Variants in SUN3 observed in about 807,000 individuals in gnomAD.
SUN3 encodes the protein Sad1 and UNC84 domain containing 3.
In SUN3, 36 loss-of-function variants were observed where a neutral mutation model predicts 48.2. The ratio of observed to expected loss-of-function variants is 0.75; its 90% CI spans 0.57 to 0.99. SUN3 has a LOEUF of 0.99. Ranked by LOEUF, SUN3 falls within the 50% of genes least tolerant of loss-of-function variation. The pLI is 0.00. For missense variants in SUN3, 419 were observed against 433.1 expected, an observed-to-expected ratio of 0.97 and a Z score of 0.29; for synonymous variants, 148 against 147.9, an observed-to-expected ratio of 1.00 and a Z score of 0.00.
chr7:48,029,157 A>C (rs779088686), upstream of SUN3: 9 of 572,718 alleles, frequency 1.6e-5, no homozygotes, highest in Non-Finnish European at 2.6e-5. Context: ...GCAGATGGCC[A>C]CCACGCCCAG....
At chr7:48,019,229 G>A (rs1383308943) in intron 2 of SUN3, among the ~76,000 whole-genome samples, 1 of 152,052 alleles carries the variant, frequency 6.6e-6, no homozygotes, top group Non-Finnish European at 1.5e-5. Flanking sequence ...GTCTCAGAAA[G>A]AGGAGAGAGA....
At chr7:48,032,882 C>T (rs1790272532), upstream of SUN3, among the ~76,000 whole-genome samples, 1 of 152,194 alleles carries the variant, frequency 6.6e-6, no homozygotes, top group South Asian at 2.1e-4. Context: ...AAACTAGCTT[C>T]AGCCAACAAC....
At chr7:47,998,588 T>C (rs1434889235) in intron 6 of SUN3, among the ~76,000 whole-genome samples, 2 of 152,184 alleles carry the variant, frequency 1.3e-5, no homozygotes, top group Admixed American at 6.5e-5. Context: ...ATTTTCCTTT[T>C]ACAATCATAG....
At chr7:48,013,039 T>C (rs763377215) in intron 3 of SUN3, among the ~76,000 whole-genome samples, 4 of 152,234 alleles carry the variant, frequency 2.6e-5, no homozygotes, top group Non-Finnish European at 5.9e-5. Flanking sequence ...GTCTATGGCA[T>C]TTTGTTATAG....
chr7:48,002,532 T>C (rs1396016090), intron 6 of SUN3, among the ~76,000 whole-genome samples: 1 of 152,218 alleles, frequency 6.6e-6, no homozygotes, highest in African/African-American at 2.4e-5. Flanking sequence ...GTGGGTCTTC[T>C]TTTTAAGTGT....
chr7:47,992,175 C>T (rs1789084202), intron 8 of SUN3, among the ~76,000 whole-genome samples: 1 of 152,176 alleles, frequency 6.6e-6, no homozygotes, highest in South Asian at 2.1e-4. Flanking sequence ...CCCCACCGTG[C>T]GCGCAAAGCT....
intron 7 of SUN3, 47 bp from the exon 8 acceptor site, chr7:47,994,529 C>A (rs775402617): frequency 1.3e-6 from 2 of 1,540,094 alleles, no homozygotes; most frequent in South Asian, 1.3e-5. Context: ...TATGTGAATC[C>A]ATTCCCACAA....
intron 3 of SUN3, among the ~76,000 whole-genome samples, chr7:48,010,701 T>C (rs949049866): frequency 1.3e-5 from 2 of 152,202 alleles, no homozygotes; most frequent in African/African-American, 4.8e-5. Context: ...CACTTTCTTG[T>C]AGCAACAAAG....
intron 9 of SUN3, 108 bp downstream of exon 9, chr7:47,988,680 T>G (rs1275990140): frequency 1.6e-6 from 1 of 624,246 alleles, no homozygotes; most frequent in Non-Finnish European, 2.7e-6. Flanking sequence ...CTTGTGTAAC[T>G]CACGCTTTTG....
intron 8 of SUN3, 126 bp downstream of exon 8, chr7:47,994,189 A>G (rs1484631352): frequency 1.1e-5 from 9 of 820,972 alleles, no homozygotes; most frequent in Non-Finnish European, 1.5e-5. Context: ...GTAGGTGAGA[A>G]AGCAGAAGTC....
At chr7:47,992,263 A>G (rs1789087193) in intron 8 of SUN3, among the ~76,000 whole-genome samples, 2 of 152,232 alleles carry the variant, frequency 1.3e-5, no homozygotes, top group African/African-American at 4.8e-5. Flanking sequence ...TACAGGAAAC[A>G]GAGAGACGCT....
chr7:47,993,321 A>G (rs1465109412), intron 8 of SUN3, among the ~76,000 whole-genome samples: 1 of 152,216 alleles, frequency 6.6e-6, no homozygotes, highest in Non-Finnish European at 1.5e-5. Flanking sequence ...CCCAAGGAAA[A>G]CAAAAACTCA....
At chr7:48,001,709 T>C (rs995294686) in intron 6 of SUN3, among the ~76,000 whole-genome samples, 10 of 151,968 alleles carry the variant, frequency 6.6e-5, no homozygotes, top group Non-Finnish European at 1.5e-4. Context: ...AATTTTTCTT[T>C]GTATTTTTAG....
chr7:48,012,560 A>G (rs900194423), intron 3 of SUN3, among the ~76,000 whole-genome samples: 4 of 152,018 alleles, frequency 2.6e-5, no homozygotes, highest in Middle Eastern at 3.2e-3. Context: ...CTAACTTTAA[A>G]CCATATAACT....
At chr7:47,996,219 C>T in intron 6 of SUN3, 73 bp from the exon 7 acceptor site, 1 of 848,236 alleles carries the variant, frequency 1.2e-6, no homozygotes, top group Admixed American at 2.9e-5. Flanking sequence ...TGAATTTTAA[C>T]AATGTCTCTA....
intron 8 of SUN3, 38 bp downstream of exon 8, chr7:47,994,277 C>T (rs771230887): frequency 3.1e-6 from 5 of 1,607,662 alleles, no homozygotes; most frequent in East Asian, 2.2e-5. Flanking sequence ...CACCTTCTAT[C>T]AGGCCAATCT....
chr7:48,028,479 CAAAAAAAAAA>C lies in SUN3; in HGVS notation c.122+328_122+337del, dbSNP rs55997019. ...AAGACTATACAAGCTAGCCCAATGA[CAAAAAAAAAA>C]AAAAAAAAAAAAAAAAAAAGTGAAT... On this transcript the variant is annotated intron_variant, in intron 1 of 9. Transcript: ENST00000297325. Among the ~76,000 whole-genome samples, 38 of 45,260 alleles carry C rather than the reference CAAAAAAAAAA, an allele frequency of 8.4e-4. 1 individual carries two copies. The Admixed American group carries it at 9.7e-3, about 12-fold the overall frequency. The allele number at this position is 45,260 out of a possible 152,430, so 29.7% of individuals were successfully genotyped here. A position where few individuals can be genotyped will look rare whatever the true frequency, so the allele number is the denominator to read the frequency against.
intron 6 of SUN3, among the ~76,000 whole-genome samples, chr7:47,997,993 G>T (rs1322217426): frequency 6.6e-6 from 1 of 152,128 alleles, no homozygotes; most frequent in African/African-American, 2.4e-5. Context: ...ATGGACATGG[G>T]GTTATTCTCA....
intron 2 of SUN3, among the ~76,000 whole-genome samples, chr7:48,025,640 A>C (rs573610419): frequency 2.6e-5 from 4 of 152,206 alleles, no homozygotes; most frequent in South Asian, 2.1e-4. Context: ...AATTTGCAAA[A>C]AGCAAACCAC....
Sources: allele counts gnomAD v4.1 joint callset (sites outside exome capture counted in the v4.1 genomes callset), GRCh38; gene constraint gnomAD v4.1.1; transcripts MANE v1.5; gene names NCBI Gene and HGNC (gene_info 2026-07-23, HGNC 2026-07-21).